Variants in CADPS2 observed in about 807,000 individuals in gnomAD.
CADPS2 encodes the protein calcium dependent secretion activator 2.
Under a neutral mutation model 172.5 loss-of-function variants are expected in CADPS2, and 93 were observed. The ratio of observed to expected loss-of-function variants is 0.54; its 90% CI spans 0.46 to 0.64. CADPS2 has a LOEUF of 0.64. Ranked by LOEUF, CADPS2 falls within the 30% of genes least tolerant of loss-of-function variation. The pLI is 0.00. For synonymous variants in CADPS2, 546 were observed against 555.2 expected (o/e 0.98, Z 0.23); for missense variants, 1,420 against 1,565.9 (o/e 0.91, Z 1.57).
intron 1 of CADPS2, among the ~76,000 whole-genome samples, chr7:122,875,127 G>C (rs139733108): frequency 4.6e-5 from 7 of 152,182 alleles, no homozygotes; most frequent in Non-Finnish European, 4.4e-5. Flanking sequence ...GTATACGTTT[G>C]CAGATGTGTA....
intron 2 of CADPS2, among the ~76,000 whole-genome samples, chr7:122,726,511 G>C (rs993052622): frequency 6.6e-6 from 1 of 151,848 alleles, no homozygotes; most frequent in Non-Finnish European, 1.5e-5. Flanking sequence ...TTTCTCTCAA[G>C]ATCTATCCCT....
chr7:122,766,267 A>G (rs1259387818), intron 1 of CADPS2, among the ~76,000 whole-genome samples: 1 of 152,092 alleles, frequency 6.6e-6, no homozygotes, highest in Non-Finnish European at 1.5e-5. Context: ...CAACACTGCA[A>G]CTTTGGGAAT....
At chr7:122,817,900 T>C (rs1801974156) in intron 1 of CADPS2, among the ~76,000 whole-genome samples, 1 of 149,280 alleles carries the variant, frequency 6.7e-6, no homozygotes, top group South Asian at 2.1e-4. Context: ...ATCCCTTATC[T>C]CTGTGCCCCA....
intron 1 of CADPS2, among the ~76,000 whole-genome samples, chr7:122,778,706 C>G (rs2093957459): frequency 6.6e-6 from 1 of 152,220 alleles, no homozygotes; most frequent in African/African-American, 2.4e-5. Flanking sequence ...GCCTTGGCAG[C>G]TTCTGTGTGG....
intron 3 of CADPS2, among the ~76,000 whole-genome samples, chr7:122,645,385 ATG>A (rs145101205): frequency 0.023 from 833 of 36,490 alleles, 26 homozygotes; most frequent in East Asian, 0.06. Flanking sequence ...ACATATGTAC[ATG>A]TGTGTGTATA....
At chr7:122,519,095 G>C (rs562400836) in intron 8 of CADPS2, among the ~76,000 whole-genome samples, 20 of 152,108 alleles carry the variant, frequency 1.3e-4, no homozygotes, top group Admixed American at 7.2e-4. Flanking sequence ...GGGTTGGGGC[G>C]GGGGAGGGAA....
At chr7:122,815,557 A>G (rs1447750046) in intron 1 of CADPS2, among the ~76,000 whole-genome samples, 2 of 152,152 alleles carry the variant, frequency 1.3e-5, no homozygotes, top group Non-Finnish European at 2.9e-5. Flanking sequence ...AGAGGGAAAA[A>G]CAGAAACACA....
intron 1 of CADPS2, among the ~76,000 whole-genome samples, chr7:122,797,872 T>TA (rs1323762794): frequency 2.6e-5 from 4 of 152,130 alleles, no homozygotes; most frequent in Non-Finnish European, 4.4e-5. Context: ...AAAGTTAAAT[T>TA]AAAAAATAAA....
intron 22 of CADPS2, among the ~76,000 whole-genome samples, chr7:122,389,536 C>T (rs760947490): frequency 7.9e-5 from 12 of 151,602 alleles, no homozygotes; most frequent in South Asian, 4.1e-4. Flanking sequence ...AAGTTACCTT[C>T]TAGAAGGTAA....
intron 25 of CADPS2, among the ~76,000 whole-genome samples, chr7:122,363,022 C>T (rs2040385818): frequency 6.6e-6 from 1 of 150,880 alleles, no homozygotes; most frequent in South Asian, 2.1e-4. Flanking sequence ...TAAAGGATGC[C>T]TAGGGAAAAA....
At chr7:122,549,819 A>G (rs1288642334) in intron 8 of CADPS2, among the ~76,000 whole-genome samples, 1 of 152,082 alleles carries the variant, frequency 6.6e-6, no homozygotes, top group Non-Finnish European at 1.5e-5. Context: ...ACAAGGACAC[A>G]GGGGAAAGTC....
intron 1 of CADPS2, among the ~76,000 whole-genome samples, chr7:122,817,519 C>T (rs1041313761): frequency 2.0e-5 from 3 of 152,130 alleles, no homozygotes; most frequent in East Asian, 3.9e-4. Flanking sequence ...GGCAGCCTTC[C>T]CTTGGTGTTT....
chr7:122,777,367 T>C (rs2093916864), intron 1 of CADPS2, among the ~76,000 whole-genome samples: 1 of 152,092 alleles, frequency 6.6e-6, no homozygotes, highest in East Asian at 1.9e-4. Flanking sequence ...AGCTCTCATA[T>C]CCACATTCCA....
chr7:122,785,500 T>A (rs2139521406), intron 1 of CADPS2, among the ~76,000 whole-genome samples: 1 of 152,220 alleles, frequency 6.6e-6, no homozygotes, highest in South Asian at 2.1e-4. Context: ...ATACCCCAGG[T>A]GAATTTTGAA....
At chr7:122,857,435 T>C (rs1584965172) in intron 1 of CADPS2, among the ~76,000 whole-genome samples, 1 of 152,336 alleles carries the variant, frequency 6.6e-6, no homozygotes, top group East Asian at 1.9e-4. Context: ...ACATATTAAA[T>C]GATGGTAACT....
intron 19 of CADPS2, among the ~76,000 whole-genome samples, chr7:122,411,553 T>G (rs191526330): frequency 6.6e-6 from 1 of 152,144 alleles, no homozygotes; most frequent in East Asian, 1.9e-4. Context: ...TAATAAAAAT[T>G]TATAACTTAA....
intron 9 of CADPS2, among the ~76,000 whole-genome samples, chr7:122,508,944 T>C (rs1159907): frequency 0.91 from 137,689 of 152,134 alleles, 62,534 homozygotes; most frequent in East Asian, 1. Context: ...CTACACTGAG[T>C]ATGTTCTGGG....
At chr7:122,668,336 T>G (rs886806798) in intron 2 of CADPS2, among the ~76,000 whole-genome samples, 1 of 150,326 alleles carries the variant, frequency 6.7e-6, no homozygotes, top group Non-Finnish European at 1.5e-5. Context: ...TGGTGGTGAA[T>G]GTTGGGAGAG....
At chr7:122,553,050 T>C (rs534621025) in intron 8 of CADPS2, among the ~76,000 whole-genome samples, 1 of 152,282 alleles carries the variant, frequency 6.6e-6, no homozygotes, top group Admixed American at 6.5e-5. Context: ...GTTCTCCCAC[T>C]GTCTACCTGA....
Sources: gnomAD v4.1 joint callset for allele counts (sites outside exome capture counted in the v4.1 genomes callset) on GRCh38, gnomAD v4.1.1 for gene constraint, MANE v1.5 for transcripts, NCBI Gene and HGNC (gene_info 2026-07-23, HGNC 2026-07-21) for gene names.